Variants in ICA1 observed in about 807,000 individuals in gnomAD.
ICA1 encodes the protein islet cell autoantigen 1.
A neutral mutation model predicts 71.0 loss-of-function variants in ICA1; 40 were observed. The ratio of observed to expected loss-of-function variants is 0.56; its 90% confidence interval spans 0.44 to 0.73. The LOEUF is 0.73. Ranked by LOEUF, ICA1 falls within the 30% of genes least tolerant of loss-of-function variation. The probability of loss-of-function intolerance (pLI) is 0.00; values close to 1 mark genes in which losing one functional copy is unlikely to be tolerated. For missense variants in ICA1, 578 were observed against 576.5 expected (o/e 1.00, Z -0.03); for synonymous variants, 207 against 209.5 (o/e 0.99, Z 0.10).
At chr7:8,129,808 T>A (rs995469369) in intron 12 of ICA1, among the ~76,000 whole-genome samples, 1 of 152,000 alleles carries the variant, frequency 6.6e-6, no homozygotes, top group African/African-American at 2.4e-5. Flanking sequence ...ACCCATTAAC[T>A]CGTCATTTAA....
chr7:8,154,757 A>C (rs1257277318), intron 8 of ICA1, among the ~76,000 whole-genome samples: 1 of 152,250 alleles, frequency 6.6e-6, no homozygotes, highest in Non-Finnish European at 1.5e-5. Context: ...ATACTGGTGC[A>C]AGAGGGTTGG....
intron 6 of ICA1, among the ~76,000 whole-genome samples, chr7:8,195,132 T>C (rs2110336): frequency 0.7 from 105,961 of 152,226 alleles, 42,038 homozygotes; most frequent in South Asian, 0.89. Context: ...TGCCCAATAT[T>C]GTATGTCATT....
chr7:8,220,302 A>C (rs1390877132), intron 5 of ICA1, among the ~76,000 whole-genome samples: 1 of 152,208 alleles, frequency 6.6e-6, no homozygotes, highest in East Asian at 1.9e-4. Context: ...CATCACTGAA[A>C]AACAGACACA....
Position 8,144,269 on chromosome 7 carries a change from C to T in ICA1, c.805-297G>A, listed in dbSNP as rs191984103. 4.6e-4 allele frequency among the ~76,000 whole-genome samples: 70 copies of T among 152,224 alleles called. No homozygotes were observed. The highest frequency in any genetic ancestry group is 1.6e-3 in the African/African-American group (68 of 41,532). The stretch of plus-strand genomic sequence containing the variant: ...TTTGTGATAAGTTATTCAAACGTGG[C>T]CTTTTGGCTATTGCTAACTTTATTT... On this transcript the variant is annotated intron_variant, in intron 8 of 13. Transcript: ENST00000402384. This position sits in a 1 kb window ranked among gnomAD's most constrained non-coding sequence, Gnocchi z 4.5.
chr7:8,158,381 G>A (rs1802486832), intron 7 of ICA1, 146 bp downstream of exon 7: 1 of 934,062 alleles, frequency 1.1e-6, no homozygotes, highest in East Asian at 2.5e-5. Context: ...TAGGGCCCTA[G>A]AAGGCAGAGA....
At position 8,208,564 on chromosome 7, in the gene ICA1, G is replaced by A. The variant is rs1317585433; in HGVS notation, c.579+9741C>T. Among the ~76,000 whole-genome samples, 4 of 152,090 alleles carry A rather than the reference G, an allele frequency of 2.6e-5. No individual in the cohort carries two copies. The South Asian group carries it at 6.2e-4, about 24-fold the overall frequency. On this transcript the variant is annotated intron_variant, in intron 6 of 13. Coordinates refer to ENST00000402384, the MANE Select transcript of ICA1 (RefSeq NM_001136020.3). ...AACATTTCATCTTGGTGAATAAGAC[G>A]ACTAGCTGGGAAAGATGATATGTGA...
rs1435237724 is a variant in ICA1, at chr7:8,128,616, C to T, written c.1061-474G>A. ...GGAGAGAACTTTCACCATGCCCTGGCCCAGGGCACGACAGTGAAGGGGAGG... is the reference window on the plus strand; with the variant it reads ...GGAGAGAACTTTCACCATGCCCTGGTCCAGGGCACGACAGTGAAGGGGAGG... On this transcript the variant is annotated intron_variant, in intron 12 of 13. Transcript: ENST00000402384. Among the ~76,000 whole-genome samples, 160 of 141,750 alleles carry T rather than the reference C, an allele frequency of 1.1e-3. 2 individuals carry two copies. In the Admixed American group the frequency reaches 0.011, roughly 10 times the overall value. 93.0% of individuals were successfully genotyped at this position (141,750 alleles called of 152,430 possible).
chr7:8,254,628 G>A (rs1484955774), intron 1 of ICA1, among the ~76,000 whole-genome samples: 1 of 151,286 alleles, frequency 6.6e-6, no homozygotes, highest in Non-Finnish European at 1.5e-5. Flanking sequence ...ATTTTGATGG[G>A]GGTCAGGAAA....
At chr7:8,256,930 C>T (rs915786421) in intron 1 of ICA1, among the ~76,000 whole-genome samples, 7 of 152,316 alleles carry the variant, frequency 4.6e-5, no homozygotes, top group Admixed American at 2.6e-4. Flanking sequence ...GGGATATCAA[C>T]CCATTTTGCA....
chr7:8,140,166 T>C (rs1794725203), intron 10 of ICA1, among the ~76,000 whole-genome samples: 1 of 152,230 alleles, frequency 6.6e-6, no homozygotes, highest in Admixed American at 6.5e-5. Context: ...ACAGAACCCA[T>C]GTTTTCCTAT....
intron 1 of ICA1, among the ~76,000 whole-genome samples, chr7:8,249,435 C>T (rs951856629): frequency 6.6e-6 from 1 of 152,194 alleles, no homozygotes; most frequent in Non-Finnish European, 1.5e-5. Context: ...GGGCCAGCCT[C>T]TGAAGCACCA....
chr7:8,195,969 C>T (rs754315284), intron 6 of ICA1, among the ~76,000 whole-genome samples: 119 of 145,712 alleles, frequency 8.2e-4, no homozygotes, highest in Admixed American at 1.7e-3. Context: ...CAGAGTGAGG[C>T]TCCGTCTCAC....
intron 10 of ICA1, among the ~76,000 whole-genome samples, chr7:8,140,214 C>T (rs916106378): frequency 6.6e-6 from 1 of 152,154 alleles, no homozygotes; most frequent in Non-Finnish European, 1.5e-5. Flanking sequence ...GTGATTCGTG[C>T]CGTGGGTACA....
At chr7:8,208,375 T>A (rs4720771) in intron 6 of ICA1, among the ~76,000 whole-genome samples, 87,235 of 152,064 alleles carry the variant, frequency 0.57, 29,947 homozygotes, top group Non-Finnish European at 0.76. Context: ...AAACCCATGC[T>A]CTATTTTGTA....
chr7:8,224,724 G>A (rs1798101675), intron 4 of ICA1, among the ~76,000 whole-genome samples: 1 of 152,070 alleles, frequency 6.6e-6, no homozygotes, highest in Admixed American at 6.6e-5. Context: ...ATCCAATCTA[G>A]GGTCTCACCT....
At chr7:8,165,238 T>G (rs994599214) in intron 6 of ICA1, among the ~76,000 whole-genome samples, 5 of 152,266 alleles carry the variant, frequency 3.3e-5, no homozygotes, top group African/African-American at 1.2e-4. Context: ...TTCCTTTAAT[T>G]AACAATTTAT....
intron 10 of ICA1, among the ~76,000 whole-genome samples, chr7:8,140,508 T>G (rs982619351): frequency 6.6e-6 from 1 of 152,216 alleles, no homozygotes; most frequent in East Asian, 1.9e-4. Context: ...CACCTCTCCC[T>G]TGGAGCTCCC....
At chr7:8,202,289 T>C (rs1258265890) in intron 6 of ICA1, among the ~76,000 whole-genome samples, 1 of 152,192 alleles carries the variant, frequency 6.6e-6, no homozygotes, top group Non-Finnish European at 1.5e-5. Flanking sequence ...GGCCCTGACA[T>C]GTTCTGACTG....
intron 12 of ICA1, among the ~76,000 whole-genome samples, chr7:8,131,067 G>A (rs1791273099): frequency 6.6e-6 from 1 of 152,150 alleles, no homozygotes; most frequent in South Asian, 2.1e-4. Context: ...ACACATGCCG[G>A]ACACCTCCCG....
Sources: gnomAD v4.1 joint callset for allele counts (sites outside exome capture counted in the v4.1 genomes callset) on GRCh38, gnomAD v4.1.1 for gene constraint, Gnocchi (gnomAD v3.1) non-coding constraint, MANE v1.5 for transcripts, NCBI Gene and HGNC (gene_info 2026-07-23, HGNC 2026-07-21) for gene names.